The following FGF14 variants were observed in gnomAD, a reference collection of about 807,000 sequenced individuals.
The protein encoded by FGF14 is fibroblast growth factor 14, also known as fibroblast growth factor homologous factor 4.
FGF14 carries 5 observed loss-of-function variants against 25.5 expected under a neutral mutation model. The observed-to-expected ratio is 0.20, with a 90% CI of 0.10 to 0.41. The LOEUF is 0.41. Ranked by LOEUF, FGF14 falls within the 10% of genes least tolerant of loss-of-function variation. The pLI is 1.00. For synonymous variants in FGF14, 138 were observed against 118.3 expected (o/e 1.17, Z -1.08); for missense variants, 222 against 320.1 (o/e 0.69, Z 2.34).
At chr13:102,193,944 G>A (rs1042588367) in intron 1 of FGF14, among the ~76,000 whole-genome samples, 21 of 151,930 alleles carry the variant, frequency 1.4e-4, no homozygotes, top group Non-Finnish European at 2.5e-4. Context: ...CCATGAATTA[G>A]AATTCCTAGT....
intron 1 of FGF14, among the ~76,000 whole-genome samples, chr13:102,051,183 A>T (rs905101480): frequency 6.6e-6 from 1 of 152,120 alleles, no homozygotes; most frequent in African/African-American, 2.4e-5. Flanking sequence ...ATCTCATTAC[A>T]TGTGCCCATG....
At chr13:101,760,942 T>A (rs1247163000) in intron 3 of FGF14, among the ~76,000 whole-genome samples, 3 of 152,170 alleles carry the variant, frequency 2.0e-5, no homozygotes, top group Admixed American at 2.0e-4. Flanking sequence ...TTTTGTAGAA[T>A]TAATTACTCT....
At chr13:102,212,555 C>A (rs962705988) in intron 1 of FGF14, among the ~76,000 whole-genome samples, 3 of 152,150 alleles carry the variant, frequency 2.0e-5, no homozygotes, top group Non-Finnish European at 4.4e-5. Flanking sequence ...AGGTGAGGAA[C>A]CATATCTCTC....
At chr13:101,876,974 A>AT (rs1361501521) in intron 1 of FGF14, among the ~76,000 whole-genome samples, 3 of 152,210 alleles carry the variant, frequency 2.0e-5, no homozygotes, top group African/African-American at 4.8e-5. Context: ...GAAAAAGAGA[A>AT]TTTTTTATTA....
intron 1 of FGF14, among the ~76,000 whole-genome samples, chr13:102,106,337 G>A (rs776361124): frequency 6.6e-6 from 1 of 152,068 alleles, no homozygotes; most frequent in South Asian, 2.1e-4. Flanking sequence ...TTGGGAGGCC[G>A]AGGTGGGTGA....
intron 3 of FGF14, among the ~76,000 whole-genome samples, chr13:101,810,551 C>T (rs1191817374): frequency 6.6e-6 from 1 of 152,162 alleles, no homozygotes; most frequent in African/African-American, 2.4e-5. Flanking sequence ...TCCTGCTTCG[C>T]TGACATGCAG....
intron 1 of FGF14, among the ~76,000 whole-genome samples, chr13:102,326,509 C>T (rs1213785139): frequency 6.6e-6 from 1 of 151,706 alleles, no homozygotes; most frequent in African/African-American, 2.4e-5. Context: ...ACTTCCTCAT[C>T]GCTGAAGGAA....
chr13:102,109,133 C>A (rs1414767015), intron 1 of FGF14, among the ~76,000 whole-genome samples: 1 of 151,968 alleles, frequency 6.6e-6, no homozygotes, highest in Non-Finnish European at 1.5e-5. Context: ...TATCACAGTC[C>A]CCAGAAGTTT....
chr13:102,255,796 T>C (rs940993846), intron 1 of FGF14, among the ~76,000 whole-genome samples: 1 of 152,156 alleles, frequency 6.6e-6, no homozygotes, highest in African/African-American at 2.4e-5. Context: ...GTTAAAACCA[T>C]AGGTCTGCAA....
intron 1 of FGF14, among the ~76,000 whole-genome samples, chr13:102,269,277 G>A (rs1201397621): frequency 2.0e-5 from 3 of 152,134 alleles, no homozygotes; most frequent in Non-Finnish European, 4.4e-5. Flanking sequence ...GACTACAATT[G>A]TAAAACAAAG....
At chr13:102,100,392 C>CA (rs34803478) in intron 1 of FGF14, among the ~76,000 whole-genome samples, 58,778 of 151,986 alleles carry the variant, frequency 0.39, 13,465 homozygotes, top group Non-Finnish European at 0.51. Context: ...CTAGCAATAC[C>CA]AGACAAGGAG....
At chr13:102,366,046 G>A (rs1195733734) in intron 1 of FGF14, among the ~76,000 whole-genome samples, 1 of 152,114 alleles carries the variant, frequency 6.6e-6, no homozygotes, top group South Asian at 2.1e-4. Flanking sequence ...TGGGGGTAGG[G>A]AGCAAATGGG....
exon 1 of FGF14, chr13:102,401,727 G>A (rs558594367): frequency 2.0e-6 from 3 of 1,497,000 alleles, no homozygotes; most frequent in Admixed American, 1.7e-5. Flanking sequence ...TTCCCCTCAC[G>A]TGGTATATTT....
chr13:102,147,591 C>G lies in FGF14; in HGVS notation c.208+253880G>C, dbSNP rs7983785. On this transcript the variant is annotated intron_variant, in intron 1 of 4. Transcript: ENST00000376131. ...AAAGGACAACTTTTAAAAGCCATCT[C>G]TCTTGTACATGTCAAAAATGTCATC... Among the ~76,000 whole-genome samples, 754 of 152,290 alleles carry G rather than the reference C, an allele frequency of 5.0e-3. 8 individuals carry two copies. The highest frequency in any genetic ancestry group is 0.017 in the African/African-American group (704 of 41,570).
At chr13:101,924,056 T>C (rs2034192420) in intron 1 of FGF14, among the ~76,000 whole-genome samples, 1 of 152,042 alleles carries the variant, frequency 6.6e-6, no homozygotes, top group South Asian at 2.1e-4. Context: ...TCTAAATCAG[T>C]AGTGGAAGAT....
At chr13:101,871,570 G>A (rs1454168454) in intron 2 of FGF14, among the ~76,000 whole-genome samples, 2 of 151,928 alleles carry the variant, frequency 1.3e-5, no homozygotes, top group Non-Finnish European at 2.9e-5. Context: ...CATTACCATA[G>A]TTAATAGTGT....
At chr13:101,874,096 C>T (rs1264655569) in intron 2 of FGF14, among the ~76,000 whole-genome samples, 1 of 151,954 alleles carries the variant, frequency 6.6e-6, no homozygotes, top group African/African-American at 2.4e-5. Context: ...GGCAAAACGA[C>T]ATGTAAAAAT....
chr13:101,959,717 A>T (rs17687732), intron 1 of FGF14, among the ~76,000 whole-genome samples: 15,448 of 152,040 alleles, frequency 0.1, 910 homozygotes, highest in Admixed American at 0.2. Context: ...TGTTTTGTTC[A>T]TACTCTATTT....
At chr13:101,869,362 G>T (rs1594548789) in intron 2 of FGF14, among the ~76,000 whole-genome samples, 1 of 152,156 alleles carries the variant, frequency 6.6e-6, no homozygotes, top group African/African-American at 2.4e-5. Context: ...AATTTAGAAA[G>T]AACTAATCAA....
Sources: gnomAD v4.1 joint callset for allele counts (sites outside exome capture counted in the v4.1 genomes callset) on GRCh38, gnomAD v4.1.1 for gene constraint, MANE v1.5 for transcripts, NCBI Gene and HGNC (gene_info 2026-07-23, HGNC 2026-07-21) for gene names.